Variants in ZNF79 observed in about 807,000 individuals in gnomAD.
ZNF79 encodes zinc finger protein 79, also known as ZNFpT7.
ZNF79 carries 13 observed loss-of-function variants against 14.9 expected under a neutral mutation model. The observed-to-expected ratio is 0.87, with a 90% confidence interval of 0.57 to 1.38. The LOEUF (loss-of-function observed/expected upper bound fraction) is 1.38. ZNF79 is among the 40% of genes most tolerant of loss of function. ZNF79 has a pLI of 0.00. For synonymous variants in ZNF79, 223 were observed against 235.1 expected (o/e 0.95, Z 0.47); for missense variants, 631 against 630.6 (o/e 1.00, Z -0.01).
intron 3 of ZNF79, among the ~76,000 whole-genome samples, chr9:127,435,513 GT>G (rs1296823809): frequency 6.6e-6 from 1 of 152,162 alleles, no homozygotes; most frequent in Non-Finnish European, 1.5e-5. Flanking sequence ...GGACTTGGGA[GT>G]TTAGCTTAGC....
intron 3 of ZNF79, 112 bp from the exon 4 acceptor site, chr9:127,435,796 G>A (rs1050029900): frequency 6.1e-6 from 5 of 825,116 alleles, no homozygotes; most frequent in African/African-American, 1.7e-5. Flanking sequence ...ATAAGGATTT[G>A]TTGGCTGAAT....
Position 127,445,290 on chromosome 9 carries a change from C to T in ZNF79, c.*93C>T, listed in dbSNP as rs991127057. The stretch of plus-strand genomic sequence containing the variant: ...AGAAATGCTAAAGGCTTGAAAGCAT[C>T]TGAAGACATCTAACTTAGAGTCTGC... On this transcript the variant is annotated 3_prime_UTR_variant, in exon 5 of 5. Coordinates refer to ENST00000342483, the MANE Select transcript of ZNF79 (RefSeq NM_007135.3). 1.5e-4 allele frequency: 199 copies of T among 1,369,420 alleles called. No individual in the cohort carries two copies. The highest frequency in any genetic ancestry group is 1.9e-4 in the Non-Finnish European group (187 of 1,002,170). 84.8% of individuals were successfully genotyped at this position (1,369,420 alleles called of 1,614,324 possible).
intron 2 of ZNF79, among the ~76,000 whole-genome samples, chr9:127,432,394 C>T (rs975932429): frequency 6.6e-6 from 1 of 152,046 alleles, no homozygotes; most frequent in African/African-American, 2.4e-5. Flanking sequence ...AGGTGATCCA[C>T]CCGCCTCGGC....
At chr9:127,428,975 G>C in intron 2 of ZNF79, 55 bp downstream of exon 2, 1 of 1,195,348 alleles carries the variant, frequency 8.4e-7, no homozygotes, top group Non-Finnish European at 1.2e-6. Context: ...TAATACTAAT[G>C]GTAGGGTTGC....
At chr9:127,443,910 A>AG (rs2131964627) in intron 4 of ZNF79, 119 bp from the exon 5 acceptor site, 1 of 878,432 alleles carries the variant, frequency 1.1e-6, no homozygotes, top group Non-Finnish European at 1.6e-6. Context: ...CAAAAAAAAA[A>AG]AAAAAAAAAA....
At chr9:127,443,080 C>T (rs1471059614) in intron 4 of ZNF79, among the ~76,000 whole-genome samples, 1 of 152,066 alleles carries the variant, frequency 6.6e-6, no homozygotes, top group Non-Finnish European at 1.5e-5. Flanking sequence ...CTGAAGGACC[C>T]GCCTGAGGCT....
chr9:127,432,355 A>T lies in ZNF79; in HGVS notation c.106-2735A>T, dbSNP rs911993042. ...AGTAGAGACAGGGTTTCACCATGTT[A>T]GCCAGGATGGTCTCGATCTCCTGAC... On this transcript the variant is annotated intron_variant, in intron 2 of 4. Transcript: ENST00000342483. Among the ~76,000 whole-genome samples, 107 of 151,618 alleles carry T rather than the reference A, an allele frequency of 7.1e-4. 5 individuals are homozygous for T. The highest frequency in any genetic ancestry group is 2.9e-5 in the Non-Finnish European group (2 of 67,884).
At chr9:127,436,928 G>A (rs1229579661) in intron 4 of ZNF79, among the ~76,000 whole-genome samples, 4 of 151,932 alleles carry the variant, frequency 2.6e-5, no homozygotes, top group African/African-American at 7.3e-5. Context: ...GCGTGGTGGC[G>A]GGCACATGTA....
At chr9:127,441,221 G>T (rs549748243) in intron 4 of ZNF79, among the ~76,000 whole-genome samples, 1 of 152,262 alleles carries the variant, frequency 6.6e-6, no homozygotes, top group South Asian at 2.1e-4. Context: ...GGGGGCATTG[G>T]TGTGCACTTG....
chr9:127,434,350 T>C (rs1410829938), intron 2 of ZNF79, among the ~76,000 whole-genome samples: 4 of 152,228 alleles, frequency 2.6e-5, no homozygotes, highest in Admixed American at 2.6e-4. Flanking sequence ...GGGTGATATC[T>C]GCATTCACAG....
At chr9:127,432,097 A>T (rs1833870074) in intron 2 of ZNF79, among the ~76,000 whole-genome samples, 1 of 149,430 alleles carries the variant, frequency 6.7e-6, no homozygotes, top group Non-Finnish European at 1.5e-5. Flanking sequence ...CTTTATTAAT[A>T]CATTTTTTTC....
At chr9:127,442,996 C>T (rs1834076754) in intron 4 of ZNF79, among the ~76,000 whole-genome samples, 1 of 152,196 alleles carries the variant, frequency 6.6e-6, no homozygotes, top group African/African-American at 2.4e-5. Flanking sequence ...TCTTGTCCAA[C>T]TGGAAGATCT....
chr9:127,438,189 T>G (rs1833983467), intron 4 of ZNF79, among the ~76,000 whole-genome samples: 2 of 152,116 alleles, frequency 1.3e-5, no homozygotes, highest in South Asian at 4.1e-4. Context: ...GGAGATAGCA[T>G]CAGATCCCAC....
intron 4 of ZNF79, among the ~76,000 whole-genome samples, chr9:127,440,654 G>A (rs116170790): frequency 2.3e-3 from 355 of 152,306 alleles, no homozygotes; most frequent in African/African-American, 8.1e-3. Flanking sequence ...AGAATTCAGC[G>A]TTATGTGTGA....
In ZNF79 at chr9:127,439,066, C is replaced by T. The variant is rs371954412; in HGVS notation, c.328+3063C>T. ...GGCAGAGACTGCCATGAGCCAAGATCGTGCCACTGCACTCCAGCCTGGGCG... is the reference window on the plus strand; with the variant it reads ...GGCAGAGACTGCCATGAGCCAAGATTGTGCCACTGCACTCCAGCCTGGGCG... On this transcript the variant is annotated intron_variant, in intron 4 of 4. Coordinates refer to ENST00000342483, the MANE Select transcript of ZNF79 (RefSeq NM_007135.3). 9.0e-4 allele frequency among the ~76,000 whole-genome samples: 136 copies of T among 150,644 alleles called. 1 individual carries two copies. The highest frequency in any genetic ancestry group is 3.3e-3 in the African/African-American group (133 of 40,888).
chr9:127,438,680 G>A (rs1192956728), intron 4 of ZNF79, among the ~76,000 whole-genome samples: 3 of 152,184 alleles, frequency 2.0e-5, no homozygotes, highest in Non-Finnish European at 4.4e-5. Flanking sequence ...TATGGGGCAG[G>A]ATCTTCTCTG....
chr9:127,439,447 G>A (rs1206237613), intron 4 of ZNF79, among the ~76,000 whole-genome samples: 1 of 152,146 alleles, frequency 6.6e-6, no homozygotes, highest in African/African-American at 2.4e-5. Context: ...AACAGAAGTC[G>A]TCAGGGGCAA....
intron 4 of ZNF79, among the ~76,000 whole-genome samples, chr9:127,440,946 G>T (rs1834037983): frequency 6.6e-6 from 1 of 152,090 alleles, no homozygotes; most frequent in African/African-American, 2.4e-5. Flanking sequence ...GGTGTGTCAG[G>T]CCTGAGATGT....
rs762186859 is a variant in ZNF79 at position 127,444,144 on chromosome 9, G to C, written c.444G>C (p.Glu148Asp). Residue 148 changes from glutamate (E) to aspartate (D), a missense_variant, in exon 5 of 5, where the codon GAG becomes GAC. Transcript: ENST00000342483. ...CAGACCACGGGACCAGTGACCTTGA[G>C]AAGAGCTTCAATCTGAGACCAGTCC... ...GDSDHGTSDL[E>D]KSFNLRPVLS... is the part of the protein sequence containing the mutation. The C allele has an allele frequency of 1.5e-5, 24 of 1,613,748 alleles. No individual in the cohort carries two copies. Among genetic ancestry groups the C allele is most frequent in the Non-Finnish European group, 1.9e-5 (23 of 1,180,040 alleles).
Sources: allele counts gnomAD v4.1 joint callset (sites outside exome capture counted in the v4.1 genomes callset), GRCh38; gene constraint gnomAD v4.1.1; transcripts MANE v1.5; gene names NCBI Gene and HGNC (gene_info 2026-07-23, HGNC 2026-07-21).